CNTN5: variants seen among roughly 807,000 people sequenced by gnomAD.
CNTN5 encodes the protein contactin 5, also known as contactin-5.
In CNTN5, 77 loss-of-function variants were observed where a neutral mutation model predicts 129.1. The observed-to-expected ratio is 0.60, with a 90% CI of 0.50 to 0.72. CNTN5 has a LOEUF of 0.72. CNTN5 is among the 30% of genes least tolerant of loss of function. The pLI, the probability that CNTN5 is intolerant of heterozygous loss-of-function variation, is 0.00. For synonymous variants in CNTN5, 509 were observed against 465.6 expected (o/e 1.09, Z -1.20); for missense variants, 1,478 against 1,328.8 (o/e 1.11, Z -1.75).
intron 3 of CNTN5, among the ~76,000 whole-genome samples, chr11:99,674,847 G>A (rs957886430): frequency 3.1e-4 from 47 of 151,916 alleles, no homozygotes; most frequent in African/African-American, 1.1e-3. Flanking sequence ...AATGAATTCT[G>A]TTTCCAAGAA....
chr11:99,931,699 A>G lies in CNTN5; in HGVS notation c.673+15550A>G, dbSNP rs181276630. On this transcript the variant is annotated intron_variant, in intron 7 of 24. Coordinates refer to ENST00000524871, the MANE Select transcript of CNTN5 (RefSeq NM_014361.4). ...CATGTTACGTTCATTTGGTTTGGCCAAAGTGGTCAACCAGTCAAATTAGTA... is the reference window on the plus strand; with the variant it reads ...CATGTTACGTTCATTTGGTTTGGCCGAAGTGGTCAACCAGTCAAATTAGTA... Among the ~76,000 whole-genome samples the G allele has an allele frequency of 4.2e-3, 646 of 152,338 alleles. 6 individuals carry two copies. Among genetic ancestry groups the G allele is most frequent in the African/African-American group, 0.015 (610 of 41,568 alleles).
chr11:100,297,935 C>T (rs1488869469), intron 19 of CNTN5, among the ~76,000 whole-genome samples: 2 of 151,438 alleles, frequency 1.3e-5, no homozygotes, highest in East Asian at 1.9e-4. Flanking sequence ...AACTGAGGCA[C>T]TGTTACATAT....
chr11:99,231,800 T>C (rs562573690), intron 1 of CNTN5, among the ~76,000 whole-genome samples: 10 of 152,326 alleles, frequency 6.6e-5, no homozygotes, highest in African/African-American at 2.4e-4. Context: ...TTTAAGTCTT[T>C]AATCCATCTT....
intron 7 of CNTN5, among the ~76,000 whole-genome samples, chr11:99,955,403 A>G (rs1339015245): frequency 6.6e-6 from 1 of 152,026 alleles, no homozygotes; most frequent in Non-Finnish European, 1.5e-5. Flanking sequence ...AAATGTACTG[A>G]AGGCTGTCAA....
chr11:99,715,914 T>A (rs900249556), intron 3 of CNTN5, among the ~76,000 whole-genome samples: 30 of 151,984 alleles, frequency 2.0e-4, no homozygotes, highest in African/African-American at 7.2e-4. Flanking sequence ...ATTATTTTTA[T>A]GTTGTTAGAA....
rs372023151 is a variant in CNTN5, at chr11:100,092,509, G to A, written c.1580+18215G>A. Among the ~76,000 whole-genome samples, 25 of 152,158 alleles carry A rather than the reference G, an allele frequency of 1.6e-4. No homozygotes were observed. In the East Asian group the frequency reaches 4.1e-3, roughly 25 times the overall value. The stretch of plus-strand genomic sequence containing the variant: ...ATCCATATTAAGCACAAATCAGAAC[G>A]CTTTTCACAAACCACTTAATGCTGT... On this transcript the variant is annotated intron_variant, in intron 13 of 24. Coordinates refer to ENST00000524871, the MANE Select transcript of CNTN5 (RefSeq NM_014361.4).
chr11:100,081,041 T>A (rs182195441), intron 13 of CNTN5, among the ~76,000 whole-genome samples: 1 of 152,114 alleles, frequency 6.6e-6, no homozygotes, highest in African/African-American at 2.4e-5. Context: ...TGGCCTTACA[T>A]TCATTATGAT....
intron 3 of CNTN5, among the ~76,000 whole-genome samples, chr11:99,574,430 G>A (rs1196815741): frequency 6.6e-6 from 1 of 152,152 alleles, no homozygotes; most frequent in African/African-American, 2.4e-5. Context: ...CCCAGTAATG[G>A]ATTGCTGGGT....
At chr11:99,634,325 C>T (rs1213093644) in intron 3 of CNTN5, among the ~76,000 whole-genome samples, 2 of 150,478 alleles carry the variant, frequency 1.3e-5, no homozygotes, top group Admixed American at 1.3e-4. Context: ...TAAGGAAATA[C>T]AGTGTTCACC....
chr11:99,176,937 C>T (rs1168841176), intron 1 of CNTN5, among the ~76,000 whole-genome samples: 1 of 152,116 alleles, frequency 6.6e-6, no homozygotes, highest in Non-Finnish European at 1.5e-5. Context: ...GATCTTGGCC[C>T]TTGTTTTTAC....
At chr11:99,710,978 T>A (rs1247074830) in intron 3 of CNTN5, among the ~76,000 whole-genome samples, 2 of 151,912 alleles carry the variant, frequency 1.3e-5, no homozygotes, top group Admixed American at 6.6e-5. Context: ...AAAGGAAAAT[T>A]TTTTAGTATT....
chr11:99,130,348 A>C (rs2135431189), intron 1 of CNTN5, among the ~76,000 whole-genome samples: 1 of 152,330 alleles, frequency 6.6e-6, no homozygotes, highest in Non-Finnish European at 1.5e-5. Context: ...AAACCAACAA[A>C]GATCAAAAAA....
At chr11:99,322,653 T>C (rs1865619762) in intron 1 of CNTN5, among the ~76,000 whole-genome samples, 1 of 152,084 alleles carries the variant, frequency 6.6e-6, no homozygotes, top group Non-Finnish European at 1.5e-5. Context: ...AATAGAAAAT[T>C]ACAGGCAGAG....
intron 2 of CNTN5, among the ~76,000 whole-genome samples, chr11:99,539,145 T>C (rs575611843): frequency 1.4e-4 from 21 of 152,220 alleles, no homozygotes; most frequent in Admixed American, 1.2e-3. Flanking sequence ...TAAATGATCA[T>C]AAATTATGAA....
intron 3 of CNTN5, among the ~76,000 whole-genome samples, chr11:99,776,569 C>G (rs1045191758): frequency 2.0e-5 from 3 of 151,066 alleles, no homozygotes; most frequent in African/African-American, 7.3e-5. Context: ...TCTCAGTGTT[C>G]TTTCCATAAC....
chr11:100,245,330 C>T (rs1565368606), intron 16 of CNTN5, among the ~76,000 whole-genome samples: 2 of 152,134 alleles, frequency 1.3e-5, no homozygotes, highest in Admixed American at 1.3e-4. Context: ...AAACTTGCAT[C>T]GAACCATCTG....
At chr11:99,894,715 T>C (rs1045205661) in intron 6 of CNTN5, among the ~76,000 whole-genome samples, 1 of 152,152 alleles carries the variant, frequency 6.6e-6, no homozygotes, top group Non-Finnish European at 1.5e-5. Context: ...ACCTTACTAA[T>C]AAAATATCAA....
chr11:99,556,305 A>G lies in CNTN5; in HGVS notation c.55+36A>G, dbSNP rs1435944566. On this transcript the variant is annotated intron_variant, in intron 3 of 24. Coordinates refer to ENST00000524871, the MANE Select transcript of CNTN5 (RefSeq NM_014361.4). ...TGATTAATTAATTATTTGATTTTCT[A>G]AGTATCAAAATAACCAAAATATATC... 4.3e-6 allele frequency: 6 copies of G among 1,397,692 alleles called. No homozygotes were observed. In the South Asian group the frequency reaches 8.1e-5, roughly 19 times the overall value. The allele number at this position is 1,397,692 out of a possible 1,614,324, so 86.6% of individuals were successfully genotyped here.
At chr11:99,922,824 A>C (rs866784819) in intron 7 of CNTN5, among the ~76,000 whole-genome samples, 68 of 152,182 alleles carry the variant, frequency 4.5e-4, no homozygotes, top group African/African-American at 1.6e-3. Context: ...GTGTTCATTA[A>C]ACGCATGTTA....
Sources: allele counts gnomAD v4.1 joint callset (sites outside exome capture counted in the v4.1 genomes callset), GRCh38; gene constraint gnomAD v4.1.1; transcripts MANE v1.5; gene names NCBI Gene and HGNC (gene_info 2026-07-23, HGNC 2026-07-21).